KCNIP4: variants seen among roughly 807,000 people sequenced by gnomAD.
KCNIP4 encodes Kv channel-interacting protein 4.
Under a neutral mutation model 34.0 loss-of-function variants are expected in KCNIP4, and 12 were observed. The ratio of observed to expected loss-of-function variants is 0.35; its 90% CI spans 0.23 to 0.57. The LOEUF is 0.57. KCNIP4 is among the 20% of genes least tolerant of loss of function. KCNIP4 has a pLI of 0.83. For missense variants in KCNIP4, 238 were observed against 311.7 expected (o/e 0.76, Z 1.78); for synonymous variants, 124 against 102.2 (o/e 1.21, Z -1.29).
intron 1 of KCNIP4, among the ~76,000 whole-genome samples, chr4:21,194,633 CA>C (rs1481668214): frequency 4.6e-5 from 7 of 152,162 alleles, no homozygotes; most frequent in African/African-American, 1.7e-4. Flanking sequence ...GTGGAAGTGG[CA>C]TAGTCTTTTT....
chr4:21,013,040 G>A (rs1456652971), intron 1 of KCNIP4, among the ~76,000 whole-genome samples: 1 of 152,174 alleles, frequency 6.6e-6, no homozygotes, highest in African/African-American at 2.4e-5. Flanking sequence ...GCGAAGCTGA[G>A]AATGAACTGA....
chr4:21,205,676 G>T (rs376572107), intron 1 of KCNIP4, among the ~76,000 whole-genome samples: 1 of 152,186 alleles, frequency 6.6e-6, no homozygotes, highest in Admixed American at 6.6e-5. Flanking sequence ...ATGAGTAGAT[G>T]CAGTCTTATC....
rs1577796098 is a variant in KCNIP4, at chr4:21,153,411, AG to A, written c.62-270703del. 2.0e-5 allele frequency among the ~76,000 whole-genome samples: 3 copies of A among 151,244 alleles called. No homozygotes were observed. The East Asian group carries it at 5.8e-4, about 29-fold the overall frequency. On this transcript the variant is annotated intron_variant, in intron 1 of 8. Coordinates refer to ENST00000382152, the MANE Select transcript of KCNIP4 (RefSeq NM_025221.6). ...TTGAGCACTTTTTCTATGTGGTTAAAGGGCATTAGTATTTCTTTGTTAATTC... is the reference window on the plus strand; with the variant it reads ...TTGAGCACTTTTTCTATGTGGTTAAAGGCATTAGTATTTCTTTGTTAATTC...
chr4:21,543,604 A>G (rs1737883675), intron 1 of KCNIP4, among the ~76,000 whole-genome samples: 1 of 152,174 alleles, frequency 6.6e-6, no homozygotes, highest in Non-Finnish European at 1.5e-5. Flanking sequence ...AAAATAAGTA[A>G]TTCAAAATTT....
At chr4:20,754,765 A>T (rs1252317302) in intron 4 of KCNIP4, among the ~76,000 whole-genome samples, 1 of 152,182 alleles carries the variant, frequency 6.6e-6, no homozygotes, top group Non-Finnish European at 1.5e-5. Context: ...CTGTTTAAGA[A>T]GATGTTCTCT....
At position 20,730,002 on chromosome 4, in the gene KCNIP4, T is replaced by G; in HGVS notation, c.*80A>C. 5 of 1,508,104 alleles carry G rather than the reference T, an allele frequency of 3.3e-6. No homozygotes were observed. The highest frequency in any genetic ancestry group is 4.5e-6 in the Non-Finnish European group (5 of 1,120,486). The allele number at this position is 1,508,104 out of a possible 1,614,324, so 93.4% of individuals were successfully genotyped here. On this transcript the variant is annotated 3_prime_UTR_variant, in exon 9 of 9. Transcript: ENST00000382152. ...CTTCAGTGTCAAGCTGAGCAATCTA[T>G]GCTAAAAGTGGTAGCTCCAACTTTA... is the stretch of plus-strand genomic sequence containing the variant.
intron 1 of KCNIP4, among the ~76,000 whole-genome samples, chr4:21,914,030 AC>A (rs1385431347): frequency 1.3e-5 from 2 of 152,136 alleles, no homozygotes; most frequent in Non-Finnish European, 2.9e-5. Flanking sequence ...GGAAGACAAG[AC>A]TAGAGCCAGC....
chr4:21,179,798 A>G (rs2109319502), intron 1 of KCNIP4, among the ~76,000 whole-genome samples: 1 of 152,244 alleles, frequency 6.6e-6, no homozygotes, highest in East Asian at 1.9e-4. Flanking sequence ...TTTTTAAAAA[A>G]TGCTTCTTTG....
At chr4:21,016,413 C>T (rs1739549918) in intron 1 of KCNIP4, among the ~76,000 whole-genome samples, 1 of 151,672 alleles carries the variant, frequency 6.6e-6, no homozygotes, top group Non-Finnish European at 1.5e-5. Context: ...ATTCTCCTGC[C>T]TCATCCTGAG....
At chr4:21,794,274 T>TA (rs896274429) in intron 1 of KCNIP4, among the ~76,000 whole-genome samples, 45 of 151,312 alleles carry the variant, frequency 3.0e-4, no homozygotes, top group African/African-American at 9.0e-4. Flanking sequence ...AAGTATAATT[T>TA]AAAAAAAAAG....
At chr4:21,719,963 C>CAA (rs35540264) in intron 1 of KCNIP4, among the ~76,000 whole-genome samples, 3 of 24,022 alleles carry the variant, frequency 1.2e-4, no homozygotes, top group Non-Finnish European at 3.5e-4. Context: ...AGCTCCATCT[C>CAA]AAAAAAAAAA....
At position 21,065,768 on chromosome 4, in the gene KCNIP4, C is replaced by G. The variant is rs1008575956; in HGVS notation, c.62-183059G>C. 1.7e-3 allele frequency among the ~76,000 whole-genome samples: 168 copies of G among 99,136 alleles called. 2 individuals are homozygous for G. The highest frequency in any genetic ancestry group is 6.2e-3 in the African/African-American group (163 of 26,344). 65.0% of individuals were successfully genotyped at this position (99,136 alleles called of 152,430 possible). A position where few individuals can be genotyped will look rare whatever the true frequency, so the allele number is the denominator to read the frequency against. On this transcript the variant is annotated intron_variant, in intron 1 of 8. Transcript: ENST00000382152. Reference sequence around the variant, plus strand: ...TATATATATATATATATATATATAACTCAATTTTATTTTAAAAAATAGTAA... The same window carrying G: ...TATATATATATATATATATATATAAGTCAATTTTATTTTAAAAAATAGTAA...
chr4:21,368,547 G>A (rs1463365053), intron 1 of KCNIP4, among the ~76,000 whole-genome samples: 1 of 147,002 alleles, frequency 6.8e-6, no homozygotes, highest in Non-Finnish European at 1.5e-5. Flanking sequence ...CTGCAGCTTT[G>A]GTAACTAAGG....
intron 1 of KCNIP4, among the ~76,000 whole-genome samples, chr4:21,355,374 G>C (rs769944314): frequency 2.6e-5 from 4 of 151,982 alleles, no homozygotes; most frequent in Non-Finnish European, 5.9e-5. Context: ...CTAGTTTTTT[G>C]AAAAGACCAA....
chr4:20,997,805 G>A (rs1737701760), intron 1 of KCNIP4, among the ~76,000 whole-genome samples: 1 of 152,174 alleles, frequency 6.6e-6, no homozygotes, highest in Admixed American at 6.5e-5. Context: ...GTACAAAAGA[G>A]CACTAGGGAC....
At chr4:21,762,824 A>G in intron 1 of KCNIP4, 2 of 724,782 alleles carry the variant, frequency 2.8e-6, no homozygotes, top group South Asian at 3.6e-5. Context: ...AAATGTTCAC[A>G]TGAAGAATGT....
At chr4:20,991,763 A>G (rs78966391) in intron 1 of KCNIP4, among the ~76,000 whole-genome samples, 4 of 152,218 alleles carry the variant, frequency 2.6e-5, no homozygotes, top group Non-Finnish European at 5.9e-5. Flanking sequence ...TTTTAAAAGT[A>G]TGACAAATGG....
chr4:21,323,237 C>T (rs574555222), intron 1 of KCNIP4, among the ~76,000 whole-genome samples: 2 of 150,622 alleles, frequency 1.3e-5, no homozygotes, highest in South Asian at 4.2e-4. Flanking sequence ...ATATCTCTAA[C>T]CTCAAGCTTT....
At chr4:21,885,819 T>C (rs1391412457) in intron 1 of KCNIP4, among the ~76,000 whole-genome samples, 4 of 152,174 alleles carry the variant, frequency 2.6e-5, no homozygotes, top group Non-Finnish European at 5.9e-5. Context: ...ATGCTACTAA[T>C]GGGCATCCTG....
Sources: allele counts gnomAD v4.1 joint callset (sites outside exome capture counted in the v4.1 genomes callset), GRCh38; gene constraint gnomAD v4.1.1; transcripts MANE v1.5; gene names NCBI Gene and HGNC (gene_info 2026-07-23, HGNC 2026-07-21).